RIT2: variants seen among roughly 807,000 people sequenced by gnomAD.
RIT2 encodes the protein GTP-binding protein Rit2.
A neutral mutation model predicts 23.7 loss-of-function variants in RIT2; 24 were observed. The ratio of observed to expected loss-of-function variants is 1.01; its 90% CI spans 0.73 to 1.43. The LOEUF is 1.43. Ranked by LOEUF, RIT2 falls within the 40% of genes most tolerant of loss-of-function variation. The pLI is 0.00. For missense variants in RIT2, 236 were observed against 266.9 expected (o/e 0.88, Z 0.81); for synonymous variants, 107 against 91.1 (o/e 1.17, Z -0.99).
In RIT2 at chr18:42,790,482, G is replaced by A. The variant is rs182282457; in HGVS notation, c.427-46762C>T. Among the ~76,000 whole-genome samples the A allele has an allele frequency of 5.9e-5, 9 of 152,194 alleles. No individual in the cohort carries two copies. The South Asian group carries it at 1.2e-3, about 21-fold the overall frequency. On this transcript the variant is annotated intron_variant, in intron 4 of 4. Transcript: ENST00000326695. ...TTTTGAGACGGAGTCTCACTCTGTC[G>A]CCTAGGCCGGAATGCAGTGGCGCCA...
At chr18:43,110,352 A>G (rs937697151) in intron 1 of RIT2, among the ~76,000 whole-genome samples, 5 of 152,074 alleles carry the variant, frequency 3.3e-5, no homozygotes, top group African/African-American at 1.2e-4. Flanking sequence ...ATACCTGGAA[A>G]ATAAGATATT....
chr18:43,106,957 A>G (rs1913837019), intron 1 of RIT2, among the ~76,000 whole-genome samples: 1 of 152,190 alleles, frequency 6.6e-6, no homozygotes, highest in African/African-American at 2.4e-5. Context: ...TTGAGTAGAT[A>G]TCATTGATGG....
At chr18:42,908,306 A>G (rs1908677317) in intron 4 of RIT2, among the ~76,000 whole-genome samples, 1 of 152,148 alleles carries the variant, frequency 6.6e-6, no homozygotes, top group Non-Finnish European at 1.5e-5. Flanking sequence ...CTGTGGGACA[A>G]TAACAAAGAT....
intron 3 of RIT2, among the ~76,000 whole-genome samples, chr18:42,926,805 AC>A (rs1313170454): frequency 6.6e-6 from 1 of 151,928 alleles, no homozygotes; most frequent in Non-Finnish European, 1.5e-5. Context: ...TTTGTTTTGC[AC>A]CTCTCTGTAT....
intron 2 of RIT2, among the ~76,000 whole-genome samples, chr18:43,008,881 T>C (rs1197391203): frequency 6.6e-6 from 1 of 151,714 alleles, no homozygotes; most frequent in Non-Finnish European, 1.5e-5. Flanking sequence ...AAATTTTTAT[T>C]TTCTAGCTAT....
At chr18:42,989,381 C>A (rs191530959) in intron 2 of RIT2, among the ~76,000 whole-genome samples, 33 of 152,010 alleles carry the variant, frequency 2.2e-4, no homozygotes, top group African/African-American at 7.5e-4. Context: ...TACAACAGCA[C>A]TATGCAACAG....
chr18:42,848,906 A>G (rs921476167), intron 4 of RIT2, among the ~76,000 whole-genome samples: 1 of 152,212 alleles, frequency 6.6e-6, no homozygotes, highest in African/African-American at 2.4e-5. Flanking sequence ...TTTATCTGAG[A>G]TAGGTCTGTA....
intron 4 of RIT2, among the ~76,000 whole-genome samples, chr18:42,867,186 T>A (rs1190730227): frequency 2.6e-5 from 4 of 152,148 alleles, no homozygotes; most frequent in African/African-American, 9.7e-5. Flanking sequence ...TAATTAAATG[T>A]GGCTGGTGAC....
rs189708993 is a variant in RIT2, at chr18:42,949,900, A to G, written c.234+24174T>C. Among the ~76,000 whole-genome samples, 6 of 152,270 alleles carry G rather than the reference A, an allele frequency of 3.9e-5. No homozygotes were observed. In the East Asian group the frequency reaches 1.2e-3, roughly 29 times the overall value. On this transcript the variant is annotated intron_variant, in intron 3 of 4. Transcript: ENST00000326695. ...TTAGGGCTTGGATGTTATGTACACAAGAAAGAAAGAATAAATATCTGCTAC... is the reference window on the plus strand; with the variant it reads ...TTAGGGCTTGGATGTTATGTACACAGGAAAGAAAGAATAAATATCTGCTAC...
At chr18:43,058,502 G>A (rs1012753319) in intron 1 of RIT2, among the ~76,000 whole-genome samples, 12 of 152,202 alleles carry the variant, frequency 7.9e-5, no homozygotes, top group African/African-American at 1.7e-4. Context: ...GATTTGATAC[G>A]TCCTTGTGTG....
intron 4 of RIT2, among the ~76,000 whole-genome samples, chr18:42,877,319 G>A (rs556742826): frequency 2.0e-5 from 3 of 151,384 alleles, no homozygotes; most frequent in East Asian, 1.9e-4. Flanking sequence ...TTATTTTCAG[G>A]TGACTTTAAA....
chr18:43,048,541 A>G lies in RIT2; in HGVS notation c.104-14674T>C, dbSNP rs74348381. On this transcript the variant is annotated intron_variant, in intron 1 of 4. Transcript: ENST00000326695. ...GCCTCATCTATAATGTAGGGTTAAT[A>G]ATAATACCCACTATGGGGTTGTTAT... 2.9e-3 allele frequency among the ~76,000 whole-genome samples: 448 copies of G among 152,306 alleles called. 3 individuals carry two copies. The highest frequency in any genetic ancestry group is 0.01 in the African/African-American group (419 of 41,568).
intron 4 of RIT2, among the ~76,000 whole-genome samples, chr18:42,745,777 T>TACCAAATG (rs1351131094): frequency 6.6e-6 from 1 of 152,182 alleles, no homozygotes; most frequent in Non-Finnish European, 1.5e-5. Flanking sequence ...GGTATGACAC[T>TACCAAATG]GTATAACGTG....
intron 3 of RIT2, among the ~76,000 whole-genome samples, chr18:42,931,239 G>T (rs1349286116): frequency 6.6e-6 from 1 of 152,118 alleles, no homozygotes; most frequent in Non-Finnish European, 1.5e-5. Flanking sequence ...TGGATGATAT[G>T]CACTTTAAGG....
chr18:42,969,713 T>C (rs562886510), intron 3 of RIT2, among the ~76,000 whole-genome samples: 237 of 152,208 alleles, frequency 1.6e-3, no homozygotes, highest in African/African-American at 5.2e-3. Context: ...AATTAATTTT[T>C]TTGCTTCTAA....
chr18:42,988,346 A>G (rs1910761586), intron 2 of RIT2, among the ~76,000 whole-genome samples: 1 of 152,194 alleles, frequency 6.6e-6, no homozygotes, highest in South Asian at 2.1e-4. Flanking sequence ...CCATGATTTG[A>G]CTAATTTTTT....
intron 2 of RIT2, among the ~76,000 whole-genome samples, chr18:43,016,788 C>G (rs1249935794): frequency 1.3e-5 from 2 of 151,888 alleles, no homozygotes; most frequent in African/African-American, 2.4e-5. Flanking sequence ...AAATATTTTT[C>G]TCCATGTCCT....
chr18:43,106,687 T>G (rs1384403433), intron 1 of RIT2, among the ~76,000 whole-genome samples: 2 of 152,224 alleles, frequency 1.3e-5, no homozygotes, highest in African/African-American at 4.8e-5. Context: ...GGTTTCTATC[T>G]GCCCAATACA....
chr18:43,017,403 A>G (rs944280354), intron 2 of RIT2, among the ~76,000 whole-genome samples: 4 of 152,030 alleles, frequency 2.6e-5, no homozygotes, highest in Admixed American at 1.3e-4. Context: ...TTAAAATAAT[A>G]CAAAATATAA....
Sources: gnomAD v4.1 joint callset for allele counts (sites outside exome capture counted in the v4.1 genomes callset) on GRCh38, gnomAD v4.1.1 for gene constraint, MANE v1.5 for transcripts, NCBI Gene and HGNC (gene_info 2026-07-23, HGNC 2026-07-21) for gene names.